The following KCNH7 variants were observed in gnomAD, a reference collection of about 807,000 sequenced individuals.
KCNH7 encodes potassium voltage-gated channel subfamily H member 7.
KCNH7 carries 49 observed loss-of-function variants against 120.8 expected under a neutral mutation model. That is an observed-to-expected ratio of 0.41 (90% CI 0.32 to 0.51). KCNH7 has a LOEUF of 0.51. Ranked by LOEUF, KCNH7 falls within the 20% of genes least tolerant of loss-of-function variation. The probability of loss-of-function intolerance (pLI) is 0.38; values close to 1 mark genes in which losing one functional copy is unlikely to be tolerated. For synonymous variants in KCNH7, 547 were observed against 516.1 expected, an observed-to-expected ratio of 1.06 and a Z score of -0.81; for missense variants, 1,097 against 1,446.6, an observed-to-expected ratio of 0.76 and a Z score of 3.92.
intron 3 of KCNH7, chr2:162,527,940 T>C (rs1048046400): frequency 1.3e-5 from 2 of 151,970 alleles, no homozygotes; most frequent in African/African-American, 4.8e-5. Flanking sequence ...GGCATCAGAA[T>C]GACCTGAAGT....
intron 2 of KCNH7, among the ~76,000 whole-genome samples, chr2:162,681,944 C>T (rs939251721): frequency 6.6e-6 from 1 of 151,262 alleles, no homozygotes; most frequent in African/African-American, 2.4e-5. Flanking sequence ...CTCTTTGACA[C>T]TTGTCATTTG....
chr2:162,648,225 T>C (rs1684435416), intron 2 of KCNH7, among the ~76,000 whole-genome samples: 1 of 151,978 alleles, frequency 6.6e-6, no homozygotes, highest in South Asian at 2.1e-4. Flanking sequence ...TCAGGAAACC[T>C]ACAATCATGG....
At chr2:162,721,464 T>C (rs1211392850) in intron 2 of KCNH7, among the ~76,000 whole-genome samples, 1 of 152,106 alleles carries the variant, frequency 6.6e-6, no homozygotes, top group East Asian at 1.9e-4. Flanking sequence ...ACACTAAGAT[T>C]CTTCTTCCAG....
intron 2 of KCNH7, among the ~76,000 whole-genome samples, chr2:162,687,252 A>G (rs1204181672): frequency 6.6e-6 from 1 of 152,112 alleles, no homozygotes; most frequent in Non-Finnish European, 1.5e-5. Flanking sequence ...TGTGCTCAGT[A>G]ACAATGGCCT....
At chr2:162,730,344 TA>T (rs1687681771) in intron 2 of KCNH7, among the ~76,000 whole-genome samples, 1 of 150,704 alleles carries the variant, frequency 6.6e-6, no homozygotes, top group Non-Finnish European at 1.5e-5. Flanking sequence ...CAAGATTAAT[TA>T]AAAATTACAT....
chr2:162,745,658 T>C (rs1688290431), intron 2 of KCNH7, among the ~76,000 whole-genome samples: 2 of 152,126 alleles, frequency 1.3e-5, no homozygotes, highest in Admixed American at 1.3e-4. Context: ...ATACTAAATA[T>C]AGTAGTATAA....
At chr2:162,505,236 G>A (rs913476195) in intron 5 of KCNH7, among the ~76,000 whole-genome samples, 1 of 151,910 alleles carries the variant, frequency 6.6e-6, no homozygotes, top group African/African-American at 2.4e-5. Flanking sequence ...AAGCTGCAGA[G>A]GGTGAAAGGC....
intron 3 of KCNH7, among the ~76,000 whole-genome samples, chr2:162,518,406 T>C (rs1031631663): frequency 7.9e-5 from 12 of 151,812 alleles, no homozygotes; most frequent in Non-Finnish European, 1.5e-4. Context: ...GACATAAAAG[T>C]ATTTTGATGA....
At chr2:162,567,112 A>C (rs569785459) in intron 2 of KCNH7, among the ~76,000 whole-genome samples, 1 of 152,050 alleles carries the variant, frequency 6.6e-6, no homozygotes, top group Non-Finnish European at 1.5e-5. Context: ...TCCAAAGACA[A>C]TATTGGAATA....
chr2:162,758,499 A>C (rs571564918), intron 2 of KCNH7, among the ~76,000 whole-genome samples: 42 of 152,222 alleles, frequency 2.8e-4, no homozygotes, highest in Middle Eastern at 6.8e-3. Context: ...GTTTATATGT[A>C]TATAAATAAC....
At chr2:162,430,427 G>C (rs554749392) in intron 8 of KCNH7, among the ~76,000 whole-genome samples, 12 of 152,088 alleles carry the variant, frequency 7.9e-5, no homozygotes, top group African/African-American at 2.9e-4. Context: ...CCTGTTGCCT[G>C]TCTTGCAAAT....
At position 162,504,518 on chromosome 2, in the gene KCNH7, A is replaced by G. The variant is rs200214763; in HGVS notation, c.1053T>C (p.Pro351=). 9.9e-6 allele frequency: 16 copies of G among 1,612,946 alleles called. No homozygotes were observed. In the African/African-American group the frequency reaches 2.1e-4, roughly 22 times the overall value. ...EVKTEKKNSS[P]PSSDKTIIAP... The stretch of plus-strand genomic sequence containing the variant: ...CAATAATGGTTTTATCTGAAGAAGG[A>G]GGTGATGAATTCTTTTTCTCAGTTT... The change falls in exon 6 of 16, where the codon CCT becomes CCC. Residue 351 remains proline (P), a synonymous_variant. Coordinates refer to ENST00000332142, the MANE Select transcript of KCNH7 (RefSeq NM_033272.4).
At chr2:162,704,992 T>C (rs796766008) in intron 2 of KCNH7, among the ~76,000 whole-genome samples, 1 of 152,170 alleles carries the variant, frequency 6.6e-6, no homozygotes, top group Non-Finnish European at 1.5e-5. Context: ...CTTTTAGTGA[T>C]CGTTGTCATT....
intron 2 of KCNH7, among the ~76,000 whole-genome samples, chr2:162,616,406 G>A (rs1411128600): frequency 6.6e-6 from 1 of 152,168 alleles, no homozygotes; most frequent in Non-Finnish European, 1.5e-5. Flanking sequence ...TGGGGGTGGT[G>A]TGGAGAAGTA....
At chr2:162,570,724 T>C (rs1693441810) in intron 2 of KCNH7, among the ~76,000 whole-genome samples, 1 of 152,084 alleles carries the variant, frequency 6.6e-6, no homozygotes, top group Non-Finnish European at 1.5e-5. Context: ...ATCCCTGGGA[T>C]GCAAGGCTGG....
At chr2:162,761,762 T>C (rs921135005) in intron 2 of KCNH7, among the ~76,000 whole-genome samples, 1 of 152,026 alleles carries the variant, frequency 6.6e-6, no homozygotes, top group African/African-American at 2.4e-5. Flanking sequence ...GAGTGTGAGG[T>C]GCATCATACA....
chr2:162,494,860 A>G (rs919639202), intron 6 of KCNH7, among the ~76,000 whole-genome samples: 1 of 152,178 alleles, frequency 6.6e-6, no homozygotes, highest in Non-Finnish European at 1.5e-5. Context: ...ATCAAGCAGA[A>G]CAAGAGTTAA....
intron 9 of KCNH7, among the ~76,000 whole-genome samples, chr2:162,415,556 T>A (rs1465194363): frequency 2.0e-5 from 3 of 152,170 alleles, no homozygotes; most frequent in East Asian, 3.9e-4. Flanking sequence ...ATACTTTAAT[T>A]TGAAAAAAGT....
chr2:162,745,742 A>G (rs982405189), intron 2 of KCNH7, among the ~76,000 whole-genome samples: 2 of 152,044 alleles, frequency 1.3e-5, no homozygotes, highest in Non-Finnish European at 2.9e-5. Flanking sequence ...ACCAAAATTT[A>G]AAAAAAGGTA....
Sources: allele counts gnomAD v4.1 joint callset (sites outside exome capture counted in the v4.1 genomes callset), GRCh38; gene constraint gnomAD v4.1.1; transcripts MANE v1.5; gene names NCBI Gene and HGNC (gene_info 2026-07-23, HGNC 2026-07-21).